Variants in SCN9A observed in about 807,000 individuals in gnomAD.
SCN9A encodes sodium channel protein type 9 subunit alpha.
A neutral mutation model predicts 187.0 loss-of-function variants in SCN9A; 131 were observed. The ratio of observed to expected loss-of-function variants is 0.70; its 90% CI spans 0.61 to 0.81. The LOEUF is 0.81. Ranked by LOEUF, SCN9A falls within the 30% of genes least tolerant of loss-of-function variation. The pLI, the probability that SCN9A is intolerant of heterozygous loss-of-function variation, is 0.00. For missense variants in SCN9A, 2,252 were observed against 2,396.6 expected (o/e 0.94, Z 1.26); for synonymous variants, 809 against 808.6 (o/e 1.00, Z -0.01).
intron 1 of SCN9A, among the ~76,000 whole-genome samples, chr2:166,317,625 G>A (rs1320382574): frequency 6.6e-6 from 1 of 152,000 alleles, no homozygotes; most frequent in Non-Finnish European, 1.5e-5. Flanking sequence ...TTTTATCTAT[G>A]CTTATCCATC....
chr2:166,304,214 T>G (rs752010591), intron 6 of SCN9A, 24 bp downstream of exon 6: 16 of 1,611,410 alleles, frequency 9.9e-6, no homozygotes, highest in Non-Finnish European at 1.4e-5. Flanking sequence ...AGTGGCCTAA[T>G]GCTTCACACC....
At chr2:166,306,147 T>A (rs1698749326) in intron 4 of SCN9A, among the ~76,000 whole-genome samples, 1 of 152,058 alleles carries the variant, frequency 6.6e-6, no homozygotes, top group African/African-American at 2.4e-5. Context: ...TAACTAAGAA[T>A]ATAGGTCTCA....
At position 166,286,343 on chromosome 2, in the gene SCN9A, G is replaced by A; in HGVS notation, c.1595C>T (p.Pro532Leu). The A allele has an allele frequency of 1.2e-6, 2 of 1,607,152 alleles. No homozygotes were observed. The highest frequency in any genetic ancestry group is 1.1e-5 in the South Asian group (1 of 88,978). Residue 532 changes from proline to leucine, a missense_variant, in exon 11 of 27, where the codon CCC becomes CTC. Pro to Leu is a moderately conservative substitution (Grantham distance 98). Transcript: ENST00000642356. Reference sequence around the variant, plus strand: ...TAGCAATTTGGGTGGTACCTGATTGGGGGTAGACAACCTCTTTTCATGTGC... The same window carrying A: ...TAGCAATTTGGGTGGTACCTGATTGAGGGTAGACAACCTCTTTTCATGTGC... ...RRAHEKRLST[P>L]NQSPLSIRGS...
intron 9 of SCN9A, among the ~76,000 whole-genome samples, chr2:166,291,680 G>A (rs1055800153): frequency 3.9e-5 from 6 of 152,124 alleles, no homozygotes; most frequent in Non-Finnish European, 8.8e-5. Context: ...TATACTATGA[G>A]GTTACAGTAA....
intron 18 of SCN9A, among the ~76,000 whole-genome samples, chr2:166,245,968 G>C (rs1036940314): frequency 2.0e-5 from 3 of 151,872 alleles, no homozygotes; most frequent in Non-Finnish European, 4.4e-5. Flanking sequence ...GTTGATATAA[G>C]GTTATTTTCT....
intron 18 of SCN9A, among the ~76,000 whole-genome samples, chr2:166,251,273 A>C (rs191421545): frequency 1.1e-4 from 17 of 152,216 alleles, no homozygotes; most frequent in African/African-American, 3.6e-4. Context: ...TACTCATTAA[A>C]GAAATAGAGA....
chr2:166,307,430 GA>G (rs1435637186), intron 2 of SCN9A, among the ~76,000 whole-genome samples: 3 of 152,154 alleles, frequency 2.0e-5, no homozygotes, highest in African/African-American at 7.2e-5. Context: ...TGCATTTTAA[GA>G]AAGCCAAATA....
intron 17 of SCN9A, among the ~76,000 whole-genome samples, chr2:166,254,734 A>G (rs1317145191): frequency 6.6e-6 from 1 of 151,492 alleles, no homozygotes; most frequent in Non-Finnish European, 1.5e-5. Context: ...TTTAGTATGA[A>G]AGAAATTTCT....
chr2:166,266,162 C>T (rs191002847), intron 17 of SCN9A, among the ~76,000 whole-genome samples: 2 of 151,578 alleles, frequency 1.3e-5, no homozygotes, highest in African/African-American at 4.9e-5. Flanking sequence ...GAAGCTTTCC[C>T]CCTGTTTTTT....
chr2:166,272,299 T>C (rs1697025071), intron 17 of SCN9A, 100 bp downstream of exon 17: 1 of 780,960 alleles, frequency 1.3e-6, no homozygotes, highest in Admixed American at 3.0e-5. Context: ...CATCACTACA[T>C]GCAATGTTAA....
intron 24 of SCN9A, among the ~76,000 whole-genome samples, chr2:166,209,308 T>C (rs574581585): frequency 6.6e-6 from 1 of 151,856 alleles, no homozygotes; most frequent in Non-Finnish European, 1.5e-5. Context: ...ATAAAAGAAA[T>C]CCGCAGTTAC....
At position 166,278,139 on chromosome 2, in the gene SCN9A, C is replaced by T; in HGVS notation, c.2517+1G>A. The T allele has an allele frequency of 6.2e-7, 1 of 1,609,938 alleles. No individual in the cohort carries two copies. Among genetic ancestry groups the T allele is most frequent in the Non-Finnish European group, 8.5e-7 (1 of 1,178,194 alleles). The stretch of plus-strand genomic sequence containing the variant: ...TAATGGCAACCTTAGTTTATGTTTA[C>T]CAGTCTGAATGATCGCAGAACTGAC... On this transcript the variant is annotated splice_donor_variant, in intron 15 of 26. Transcript: ENST00000642356. LOFTEE classifies it high-confidence loss of function.
intron 7 of SCN9A, among the ~76,000 whole-genome samples, chr2:166,297,196 CA>C (rs71031236): frequency 4.7e-3 from 154 of 32,880 alleles, no homozygotes; most frequent in African/African-American, 6.5e-3. Context: ...GACTCCATCT[CA>C]AAAAAAAAAA....
At chr2:166,353,377 A>T (rs2105302232) in intron 1 of SCN9A, among the ~76,000 whole-genome samples, 1 of 152,306 alleles carries the variant, frequency 6.6e-6, no homozygotes, top group East Asian at 1.9e-4. Context: ...TAATCTTCCC[A>T]TGACTAAAAA....
chr2:166,239,781 T>C (rs950510351), intron 19 of SCN9A, among the ~76,000 whole-genome samples: 1 of 152,074 alleles, frequency 6.6e-6, no homozygotes, highest in African/African-American at 2.4e-5. Flanking sequence ...CTAGAACTGG[T>C]GTACAGGGTC....
At chr2:166,349,123 G>A (rs1282455423) in intron 1 of SCN9A, among the ~76,000 whole-genome samples, 3 of 125,412 alleles carry the variant, frequency 2.4e-5, no homozygotes, top group African/African-American at 6.5e-5. Flanking sequence ...GCAAAACTCC[G>A]TCAAAACAAA....
chr2:166,339,273 G>C (rs1412959325), intron 1 of SCN9A, among the ~76,000 whole-genome samples: 1 of 152,108 alleles, frequency 6.6e-6, no homozygotes, highest in Non-Finnish European at 1.5e-5. Flanking sequence ...TGACAGGTAA[G>C]TTGGTCTTAA....
At chr2:166,213,060 T>C (rs576591516) in intron 24 of SCN9A, among the ~76,000 whole-genome samples, 1 of 151,972 alleles carries the variant, frequency 6.6e-6, no homozygotes, top group Non-Finnish European at 1.5e-5. Flanking sequence ...ACAATATAGA[T>C]TTACATGTCT....
intron 26 of SCN9A, among the ~76,000 whole-genome samples, chr2:166,201,136 A>G (rs1405344227): frequency 6.6e-6 from 1 of 150,972 alleles, no homozygotes; most frequent in Non-Finnish European, 1.5e-5. Flanking sequence ...TTTTAATAAT[A>G]TGTTAATAGA....
Sources: allele counts gnomAD v4.1 joint callset (sites outside exome capture counted in the v4.1 genomes callset), GRCh38; gene constraint gnomAD v4.1.1; transcripts MANE v1.5; gene names NCBI Gene and HGNC (gene_info 2026-07-23, HGNC 2026-07-21).